The following CADPS2 variants were observed in gnomAD, a reference collection of about 807,000 sequenced individuals.
CADPS2 encodes the protein calcium-dependent secretion activator 2.
In CADPS2, 93 loss-of-function variants were observed where a neutral mutation model predicts 172.5. The observed-to-expected ratio is 0.54, with a 90% CI of 0.46 to 0.64. The LOEUF (loss-of-function observed/expected upper bound fraction) is 0.64, where lower values mean the gene tolerates loss of function less well. Ranked by LOEUF, CADPS2 falls within the 30% of genes least tolerant of loss-of-function variation. The pLI is 0.00. For missense variants in CADPS2, 1,420 were observed against 1,565.9 expected, an observed-to-expected ratio of 0.91 and a Z score of 1.57; for synonymous variants, 546 against 555.2, an observed-to-expected ratio of 0.98 and a Z score of 0.23.
chr7:122,799,328 G>A (rs773125536), intron 1 of CADPS2, among the ~76,000 whole-genome samples: 16 of 152,150 alleles, frequency 1.1e-4, no homozygotes, highest in Admixed American at 2.0e-4. Context: ...GGCTGGGCGC[G>A]GTGGCTCACG....
At chr7:122,819,166 G>C (rs993082684) in intron 1 of CADPS2, among the ~76,000 whole-genome samples, 1 of 152,162 alleles carries the variant, frequency 6.6e-6, no homozygotes, top group Non-Finnish European at 1.5e-5. Flanking sequence ...CATTCCTCCA[G>C]AACCTCCTCC....
intron 12 of CADPS2, among the ~76,000 whole-genome samples, chr7:122,476,048 T>C (rs923176647): frequency 6.6e-6 from 1 of 152,134 alleles, no homozygotes; most frequent in Non-Finnish European, 1.5e-5. Flanking sequence ...TGTGAAATAA[T>C]ATCAGATGAA....
intron 1 of CADPS2, among the ~76,000 whole-genome samples, chr7:122,881,199 C>T (rs1176088009): frequency 2.0e-5 from 3 of 152,160 alleles, no homozygotes; most frequent in East Asian, 1.9e-4. Flanking sequence ...CCATTAAAGG[C>T]AAACAAAACG....
At chr7:122,807,523 C>G (rs147724353) in intron 1 of CADPS2, among the ~76,000 whole-genome samples, 64 of 152,334 alleles carry the variant, frequency 4.2e-4, no homozygotes, top group African/African-American at 1.3e-3. Flanking sequence ...TGAAACCCAG[C>G]CTCGGGAGGC....
chr7:122,545,731 T>C (rs547486137), intron 8 of CADPS2, among the ~76,000 whole-genome samples: 1 of 152,184 alleles, frequency 6.6e-6, no homozygotes, highest in Admixed American at 6.5e-5. Context: ...GATTAACTAA[T>C]GTCAGTGAAG....
At chr7:122,553,849 T>C (rs1399003513) in intron 8 of CADPS2, among the ~76,000 whole-genome samples, 1 of 152,122 alleles carries the variant, frequency 6.6e-6, no homozygotes, top group Admixed American at 6.6e-5. Flanking sequence ...AATACCCCTA[T>C]GCTGGGATTT....
chr7:122,440,181 TA>T (rs2051168827), intron 16 of CADPS2: 1 of 152,154 alleles, frequency 6.6e-6, no homozygotes, highest in Non-Finnish European at 1.5e-5. Context: ...TCAGTGACTA[TA>T]ACTGGAATAA....
chr7:122,770,135 TCAACC>T (rs1180247644), intron 1 of CADPS2, among the ~76,000 whole-genome samples: 1 of 152,140 alleles, frequency 6.6e-6, no homozygotes, highest in Non-Finnish European at 1.5e-5. Flanking sequence ...ACTGAAGAAC[TCAACC>T]CTCAGCACAC....
chr7:122,593,568 T>C (rs1214327776), intron 6 of CADPS2, among the ~76,000 whole-genome samples: 1 of 152,038 alleles, frequency 6.6e-6, no homozygotes, highest in East Asian at 1.9e-4. Context: ...GCACATCTCA[T>C]AGAAAGTGCA....
intron 1 of CADPS2, among the ~76,000 whole-genome samples, chr7:122,781,288 C>T (rs1792653070): frequency 6.6e-6 from 1 of 152,104 alleles, no homozygotes; most frequent in African/African-American, 2.4e-5. Context: ...GCTATAAATA[C>T]TTTGCCATCT....
At chr7:122,795,098 A>G (rs1413557576) in intron 1 of CADPS2, among the ~76,000 whole-genome samples, 1 of 152,102 alleles carries the variant, frequency 6.6e-6, no homozygotes, top group Non-Finnish European at 1.5e-5. Flanking sequence ...AAGCTAGCAG[A>G]AGACAATAAA....
rs1034365989 is a variant in CADPS2 at position 122,393,530 on chromosome 7, G to A, written c.2799C>T (p.Pro933=). The A allele has an allele frequency of 1.2e-6, 2 of 1,613,746 alleles. No homozygotes were observed. The highest frequency in any genetic ancestry group is 8.5e-7 in the Non-Finnish European group (1 of 1,179,840). Residue 933 remains proline, a synonymous_variant, in exon 21 of 30, where the codon CCC becomes CCT. Transcript: ENST00000449022. ...FHKHLQEIFV[P]LVVRYVDLME... ...TGAGATCCACATAGCGGACAACCAA[G>A]GGTACAAAGATTTCTTGCAAGTGTT...
In CADPS2 at chr7:122,698,956, A is replaced by C. The variant is rs1251394654; in HGVS notation, c.454-35387T>G. The stretch of plus-strand genomic sequence containing the variant: ...CGAGTGACTTAAGAACCAACCTAAC[A>C]GTTGCACATCTGTTGACAATTAATT... On this transcript the variant is annotated intron_variant, in intron 2 of 29. Coordinates refer to ENST00000449022, the MANE Select transcript of CADPS2 (RefSeq NM_017954.11). 5 of 1,407,618 alleles carry C rather than the reference A, an allele frequency of 3.6e-6. No homozygotes were observed. In the Admixed American group the frequency reaches 9.4e-5, roughly 26 times the overall value. The allele number at this position is 1,407,618 out of a possible 1,614,324, so 87.2% of individuals were successfully genotyped here. A position where few individuals can be genotyped will look rare whatever the true frequency, so the allele number is the denominator to read the frequency against.
At chr7:122,368,672 T>G (rs536291853) in intron 25 of CADPS2, among the ~76,000 whole-genome samples, 3 of 152,194 alleles carry the variant, frequency 2.0e-5, no homozygotes, top group African/African-American at 7.2e-5. Flanking sequence ...TAAACATTTT[T>G]AAAGCATATA....
intron 6 of CADPS2, chr7:122,585,703 T>C (rs545161946): frequency 1.3e-5 from 2 of 152,006 alleles, no homozygotes; most frequent in South Asian, 4.1e-4. Context: ...GTATTATTTA[T>C]GAGGATTCAG....
rs34082235 is a variant in CADPS2 at position 122,710,049 on chromosome 7, TAAAA to T, written c.453+26902_453+26905del. 3.2e-4 allele frequency among the ~76,000 whole-genome samples: 30 copies of T among 93,518 alleles called. 2 individuals carry two copies. The highest frequency in any genetic ancestry group is 1.0e-3 in the African/African-American group (29 of 27,830). 61.4% of individuals were successfully genotyped at this position (93,518 alleles called of 152,430 possible). A position where few individuals can be genotyped will look rare whatever the true frequency, so the allele number is the denominator to read the frequency against. ...ACGTACCCTAAAACTTAAAGTATAA[TAAAA>T]AAAAAAAAAAAATGACCTTCTGCCA... On this transcript the variant is annotated intron_variant, in intron 2 of 29. Transcript: ENST00000449022.
intron 1 of CADPS2, among the ~76,000 whole-genome samples, chr7:122,740,860 T>C (rs1452834861): frequency 6.6e-6 from 1 of 152,076 alleles, no homozygotes; most frequent in Non-Finnish European, 1.5e-5. Context: ...AAAATTGATA[T>C]GTTCAGATAA....
chr7:122,447,543 ATTTTTTTTTTTTTTTT>A (rs1159112244), intron 15 of CADPS2, among the ~76,000 whole-genome samples: 1 of 89,768 alleles, frequency 1.1e-5, no homozygotes, highest in Non-Finnish European at 2.2e-5. Context: ...GTTTCGGGGA[ATTTTTTTTTTTTTTTT>A]TTTTTTTTTT....
At chr7:122,696,533 C>T (rs1188777736) in intron 2 of CADPS2, among the ~76,000 whole-genome samples, 2 of 150,662 alleles carry the variant, frequency 1.3e-5, no homozygotes, top group Non-Finnish European at 2.9e-5. Context: ...TTATAGCTAA[C>T]TACTGCCCTT....
Sources: allele counts gnomAD v4.1 joint callset (sites outside exome capture counted in the v4.1 genomes callset), GRCh38; gene constraint gnomAD v4.1.1; transcripts MANE v1.5; gene names NCBI Gene and HGNC (gene_info 2026-07-23, HGNC 2026-07-21).